Variants in TAF1 observed in about 807,000 individuals in gnomAD.
The protein encoded by TAF1 is transcription initiation factor TFIID subunit 1.
Under a neutral mutation model 138.5 loss-of-function variants are expected in TAF1, and 2 were observed. The observed-to-expected ratio is 0.01, with a 90% CI of 0.01 to 0.05. The LOEUF (loss-of-function observed/expected upper bound fraction) is 0.05, where lower values mean the gene tolerates loss of function less well. TAF1 is among the 10% of genes least tolerant of loss of function. TAF1 has a pLI of 1.00. For synonymous variants in TAF1, 437 were observed against 503.2 expected (o/e 0.87, Z 1.76); for missense variants, 709 against 1,478.0 (o/e 0.48, Z 8.53).
At chrX:71,426,031 G>A (rs938567803) in intron 32 of TAF1, among the ~76,000 whole-genome samples, 4 of 109,883 alleles carry the variant, frequency 3.6e-5, no homozygotes, top group East Asian at 2.9e-4. Context: ...AGGCCAAGGC[G>A]GGCGGATCAT....
intron 3 of TAF1, 22 bp from the exon 4 acceptor site, chrX:71,375,145 A>T: frequency 2.5e-6 from 3 of 1,204,280 alleles, no homozygotes; most frequent in Non-Finnish European, 3.4e-6. Context: ...TATTGAGGAG[A>T]TCACCTTCTT....
intron 32 of TAF1, among the ~76,000 whole-genome samples, chrX:71,430,385 CAA>C (rs746183306): frequency 2.8e-5 from 1 of 35,089 alleles, no homozygotes; most frequent in Non-Finnish European, 5.5e-5. Context: ...CTCCGTCTCA[CAA>C]AAAAAAAAAA....
intron 13 of TAF1, among the ~76,000 whole-genome samples, chrX:71,483,436 T>G (rs756539605): frequency 1.9e-5 from 2 of 106,634 alleles, no homozygotes; most frequent in Admixed American, 2.1e-4. Flanking sequence ...TTTTTTTTTT[T>G]CCCTTTGAAA....
intron 23 of TAF1, among the ~76,000 whole-genome samples, chrX:71,398,360 C>A (rs1001714041): frequency 9.2e-6 from 1 of 108,923 alleles, no homozygotes; most frequent in Non-Finnish European, 1.9e-5. Context: ...AAAAAAAAAA[C>A]CTTAGAGATT....
downstream of TAF1, among the ~76,000 whole-genome samples, chrX:71,469,094 G>T (rs768440963): frequency 8.9e-6 from 1 of 112,649 alleles, no homozygotes; most frequent in Non-Finnish European, 1.9e-5. Context: ...CTTGAGCCCA[G>T]GAGTTTGAGG....
At chrX:71,417,421 A>G (rs2036073725) in intron 28 of TAF1, among the ~76,000 whole-genome samples, 1 of 111,255 alleles carries the variant, frequency 9.0e-6, no homozygotes, top group Non-Finnish European at 1.9e-5. Context: ...CAGTGGCATA[A>G]TCACAGCGTA....
chrX:71,481,238 C>T (rs190570121), intron 13 of TAF1, among the ~76,000 whole-genome samples: 17 of 111,965 alleles, frequency 1.5e-4, no homozygotes, highest in Admixed American at 4.7e-4. Flanking sequence ...GAGATCGTGC[C>T]ATTGCACTCC....
chrX:71,396,295 C>CTT (rs368521405), intron 22 of TAF1, among the ~76,000 whole-genome samples: 1 of 93,384 alleles, frequency 1.1e-5, no homozygotes, highest in Non-Finnish European at 2.1e-5. Context: ...TGCTTGGGTA[C>CTT]TTTTTTTTTT....
chrX:71,453,713 G>A, intron 32 of TAF1, among the ~76,000 whole-genome samples: 1 of 109,647 alleles, frequency 9.1e-6, no homozygotes, highest in South Asian at 4.0e-4. Context: ...TTTGTTAAAA[G>A]CATCCTTAGG....
chrX:71,406,255 G>C (rs2035459644), intron 25 of TAF1, among the ~76,000 whole-genome samples: 1 of 107,472 alleles, frequency 9.3e-6, no homozygotes. Flanking sequence ...CTTGAACCTG[G>C]GAGGTGGAGG....
chrX:71,506,533 T>A (rs182506503), intron 13 of TAF1, among the ~76,000 whole-genome samples: 46 of 106,146 alleles, frequency 4.3e-4, no homozygotes, highest in East Asian at 3.6e-3. Context: ...AAATATATAT[T>A]TTTTTAAAAA....
chrX:71,376,379 A>G (rs2033473141), intron 4 of TAF1, among the ~76,000 whole-genome samples: 1 of 111,388 alleles, frequency 9.0e-6, no homozygotes. Context: ...GTTACTTATC[A>G]GAAAGTAGGG....
intron 28 of TAF1, among the ~76,000 whole-genome samples, chrX:71,419,024 C>T (rs2036185598): frequency 9.0e-6 from 1 of 111,380 alleles, no homozygotes; most frequent in South Asian, 3.7e-4. Context: ...GCCTCGGCCT[C>T]CCAAAGTGCT....
chrX:71,415,995 A>G (rs2035996349), intron 28 of TAF1, among the ~76,000 whole-genome samples: 1 of 2,407 alleles, frequency 4.2e-4, no homozygotes, highest in Non-Finnish European at 1.8e-3. Flanking sequence ...ATTTGGGGAA[A>G]TAGAGACATC....
chrX:71,501,457 G>A (rs1332575387), intron 13 of TAF1, among the ~76,000 whole-genome samples: 2 of 111,125 alleles, frequency 1.8e-5, no homozygotes, highest in African/African-American at 6.5e-5. Flanking sequence ...GACGAGCCTC[G>A]GAGAAGAGAG....
At chrX:71,407,122 A>T (rs960089936) in intron 26 of TAF1, among the ~76,000 whole-genome samples, 8 of 104,861 alleles carry the variant, frequency 7.6e-5, no homozygotes, top group African/African-American at 1.8e-4. Context: ...TGCCTTATTG[A>T]CCAGGCTGGT....
chrX:71,398,541 T>G (rs1376867411), intron 23 of TAF1, 31 bp from the exon 24 acceptor site: 1 of 1,202,478 alleles, frequency 8.3e-7, no homozygotes, highest in Non-Finnish European at 1.1e-6. Context: ...GGTCCTGTGA[T>G]TTTTCTTCCT....
In TAF1 at chrX:71,479,910, G is replaced by C. The variant is rs1213452596; in HGVS notation, c.1366+19107G>C. Among the ~76,000 whole-genome samples the C allele has an allele frequency of 2.7e-5, 3 of 111,521 alleles. No individual in the cohort carries two copies. The Admixed American group carries it at 2.9e-4, about 11-fold the overall frequency. ...GATAGTAATAGCTAAAGGGAGAAAT[G>C]GGATAACCAGAAAATTTTTAAAAGA... On this transcript the variant is annotated intron_variant and NMD_transcript_variant, in intron 13 of 14. Coordinates refer to the TAF1 transcript ENST00000373775.
chrX:71,449,868 G>T (rs1033613658), intron 32 of TAF1, among the ~76,000 whole-genome samples: 2 of 111,799 alleles, frequency 1.8e-5, no homozygotes, highest in Non-Finnish European at 3.8e-5. Flanking sequence ...AACCTCCTGG[G>T]CTCAACCGAT....
Sources: allele counts gnomAD v4.1 joint callset (sites outside exome capture counted in the v4.1 genomes callset), GRCh38; gene constraint gnomAD v4.1.1; transcripts MANE v1.5; gene names NCBI Gene and HGNC (gene_info 2026-07-23, HGNC 2026-07-21).